GABRB1: variants seen among roughly 807,000 people sequenced by gnomAD.
GABRB1 encodes gamma-aminobutyric acid receptor subunit beta-1.
Under a neutral mutation model 51.6 loss-of-function variants are expected in GABRB1, and 17 were observed. That is an observed-to-expected ratio of 0.33 (90% CI 0.23 to 0.49). GABRB1 has a LOEUF of 0.49. Ranked by LOEUF, GABRB1 falls within the 20% of genes least tolerant of loss-of-function variation. GABRB1 has a pLI of 0.99. For synonymous variants in GABRB1, 247 were observed against 218.9 expected, an observed-to-expected ratio of 1.13 and a Z score of -1.14; for missense variants, 410 against 600.6, an observed-to-expected ratio of 0.68 and a Z score of 3.32.
chr4:47,348,154 G>C (rs193205249), intron 5 of GABRB1, among the ~76,000 whole-genome samples: 1 of 152,302 alleles, frequency 6.6e-6, no homozygotes, highest in Non-Finnish European at 1.5e-5. Context: ...GGTGGAGGCT[G>C]TCCTGTTTGT....
At chr4:47,323,114 G>A (rs150760032) in intron 5 of GABRB1, among the ~76,000 whole-genome samples, 1 of 152,294 alleles carries the variant, frequency 6.6e-6, no homozygotes, top group African/African-American at 2.4e-5. Flanking sequence ...ATAAAGTTCA[G>A]TATAGATCCC....
chr4:47,386,123 G>T (rs942136156), intron 5 of GABRB1, among the ~76,000 whole-genome samples: 2 of 152,142 alleles, frequency 1.3e-5, no homozygotes, highest in African/African-American at 4.8e-5. Context: ...CTCTCTGGAG[G>T]TTGAGGTGGG....
Position 47,248,778 on chromosome 4 carries a change from T to C in GABRB1, c.462-71349T>C, listed in dbSNP as rs183628697. 1.4e-3 allele frequency among the ~76,000 whole-genome samples: 218 copies of C among 152,228 alleles called. 1 individual carries two copies. Among genetic ancestry groups the C allele is most frequent in the African/African-American group, 5.0e-3 (208 of 41,562 alleles). Reference sequence around the variant, plus strand: ...GAAGTTATCCATCTCTTCTAAGTTTTCTAGTTTATGTACACAAAGGTGTTC... The same window carrying C: ...GAAGTTATCCATCTCTTCTAAGTTTCCTAGTTTATGTACACAAAGGTGTTC... On this transcript the variant is annotated intron_variant, in intron 4 of 8. Coordinates refer to ENST00000295454, the MANE Select transcript of GABRB1 (RefSeq NM_000812.4).
Position 47,380,790 on chromosome 4 carries a change from C to A in GABRB1, c.545-22528C>A, listed in dbSNP as rs142419256. Among the ~76,000 whole-genome samples the A allele has an allele frequency of 2.0e-3, 297 of 152,260 alleles. 1 individual carries two copies. The highest frequency in any genetic ancestry group is 6.8e-3 in the African/African-American group (281 of 41,560). ...AGATTGGGAATGAGGCACTGGACTT[C>A]ATAATCTCTGTACTTTTTTCTATAG... On this transcript the variant is annotated intron_variant, in intron 5 of 8. Transcript: ENST00000295454.
At chr4:47,133,567 A>T (rs1716514628) in intron 3 of GABRB1, among the ~76,000 whole-genome samples, 1 of 152,194 alleles carries the variant, frequency 6.6e-6, no homozygotes, top group South Asian at 2.1e-4. Context: ...TTGTCTCTTT[A>T]ACATAGAGCA....
At chr4:47,069,756 C>G (rs1307104320) in intron 3 of GABRB1, among the ~76,000 whole-genome samples, 6 of 152,014 alleles carry the variant, frequency 3.9e-5, no homozygotes, top group Non-Finnish European at 5.9e-5. Flanking sequence ...TCTCATTTGC[C>G]ATGGTGCATT....
At chr4:47,392,445 C>T (rs1728032218) in intron 5 of GABRB1, among the ~76,000 whole-genome samples, 1 of 150,414 alleles carries the variant, frequency 6.6e-6, no homozygotes, top group Non-Finnish European at 1.5e-5. Context: ...CAGGTTTAAG[C>T]AATTCTCCTG....
At chr4:47,153,256 A>G (rs6847023) in intron 3 of GABRB1, among the ~76,000 whole-genome samples, 130,693 of 151,940 alleles carry the variant, frequency 0.86, 56,232 homozygotes, top group African/African-American at 0.9. Context: ...GAAAGAATGA[A>G]TTAGCCATTC....
At chr4:47,301,745 T>C (rs1319015761) in intron 4 of GABRB1, among the ~76,000 whole-genome samples, 1 of 151,992 alleles carries the variant, frequency 6.6e-6, no homozygotes. Context: ...AGACATAGTA[T>C]ACTGAAAAAA....
At chr4:47,007,656 A>C (rs1222139347) in intron 1 of GABRB1, among the ~76,000 whole-genome samples, 1 of 152,058 alleles carries the variant, frequency 6.6e-6, no homozygotes, top group Non-Finnish European at 1.5e-5. Context: ...CAACGAATAG[A>C]AATTGTACCA....
At chr4:47,031,022 G>A (rs1725271262), upstream of GABRB1, among the ~76,000 whole-genome samples, 1 of 152,114 alleles carries the variant, frequency 6.6e-6, no homozygotes, top group South Asian at 2.1e-4. Flanking sequence ...CACCAAGCCA[G>A]ATGTCCTAGG....
intron 8 of GABRB1, among the ~76,000 whole-genome samples, chr4:47,415,875 G>A (rs1385203793): frequency 6.6e-6 from 1 of 152,158 alleles, no homozygotes; most frequent in African/African-American, 2.4e-5. Context: ...AGACATTCTA[G>A]CCACCTCTGC....
intron 5 of GABRB1, among the ~76,000 whole-genome samples, chr4:47,394,108 G>A (rs1200212758): frequency 6.6e-6 from 1 of 152,214 alleles, no homozygotes; most frequent in African/African-American, 2.4e-5. Context: ...GAGTGCTCAG[G>A]AGGGGAAAGT....
chr4:47,085,535 A>G (rs1051832355), intron 3 of GABRB1, among the ~76,000 whole-genome samples: 1 of 152,224 alleles, frequency 6.6e-6, no homozygotes, highest in Non-Finnish European at 1.5e-5. Context: ...GAAACAGTAT[A>G]CGGAACTAGT....
chr4:47,026,875 A>G (rs552077484), upstream of GABRB1, among the ~76,000 whole-genome samples: 18 of 152,160 alleles, frequency 1.2e-4, no homozygotes, highest in East Asian at 2.7e-3. Flanking sequence ...ATAACGTACT[A>G]GAAAAGAATG....
At chr4:47,180,997 C>T (rs1202620132) in intron 4 of GABRB1, among the ~76,000 whole-genome samples, 1 of 151,728 alleles carries the variant, frequency 6.6e-6, no homozygotes, top group Non-Finnish European at 1.5e-5. Flanking sequence ...TGGTATGGGG[C>T]TTTGGGTGAT....
At chr4:47,174,906 T>G (rs111760397) in intron 4 of GABRB1, among the ~76,000 whole-genome samples, 12,808 of 139,998 alleles carry the variant, frequency 0.091, 664 homozygotes, top group South Asian at 0.22. Context: ...CCTTCCTTCC[T>G]TCTTTCCTTC....
At chr4:47,350,793 A>C (rs765761745) in intron 5 of GABRB1, among the ~76,000 whole-genome samples, 1 of 152,154 alleles carries the variant, frequency 6.6e-6, no homozygotes, top group Non-Finnish European at 1.5e-5. Context: ...ATTTATGGTC[A>C]TCTCATAACC....
chr4:47,211,256 C>T (rs189565152), intron 4 of GABRB1, among the ~76,000 whole-genome samples: 134 of 152,282 alleles, frequency 8.8e-4, no homozygotes, highest in African/African-American at 3.0e-3. Context: ...CCAGGAGGGT[C>T]TCCTAGTGAG....
Sources: gnomAD v4.1 joint callset for allele counts (sites outside exome capture counted in the v4.1 genomes callset) on GRCh38, gnomAD v4.1.1 for gene constraint, MANE v1.5 for transcripts, NCBI Gene and HGNC (gene_info 2026-07-23, HGNC 2026-07-21) for gene names.